Variants in ZBTB20 observed in about 807,000 individuals in gnomAD.
ZBTB20 encodes the protein zinc finger and BTB domain containing 20, also known as zinc finger and BTB domain-containing protein 20.
Under a neutral mutation model 56.9 loss-of-function variants are expected in ZBTB20, and 9 were observed. The observed-to-expected ratio is 0.16, with a 90% CI of 0.10 to 0.28. ZBTB20 has a LOEUF of 0.28. ZBTB20 is among the 10% of genes least tolerant of loss of function. The pLI is 1.00. For synonymous variants in ZBTB20, 417 were observed against 420.7 expected, an observed-to-expected ratio of 0.99 and a Z score of 0.11; for missense variants, 655 against 1,003.0, an observed-to-expected ratio of 0.65 and a Z score of 4.69.
chr3:115,064,473 C>T (rs1484478144), intron 2 of ZBTB20, among the ~76,000 whole-genome samples: 12 of 92,532 alleles, frequency 1.3e-4, no homozygotes, highest in African/African-American at 4.8e-4. Flanking sequence ...TTTTTTGAGA[C>T]GGAATTTCGC....
At chr3:114,846,107 A>G (rs2074688595) in intron 4 of ZBTB20, among the ~76,000 whole-genome samples, 1 of 152,230 alleles carries the variant, frequency 6.6e-6, no homozygotes, top group African/African-American at 2.4e-5. Context: ...TACACATTAT[A>G]GAGAGTATAA....
intron 2 of ZBTB20, among the ~76,000 whole-genome samples, chr3:114,995,514 A>C (rs535527282): frequency 1.3e-5 from 2 of 151,840 alleles, no homozygotes; most frequent in Non-Finnish European, 2.9e-5. Context: ...ACATTTAAAG[A>C]CAAAAAATCA....
At chr3:114,857,533 C>T (rs896976356) in intron 4 of ZBTB20, among the ~76,000 whole-genome samples, 12 of 152,148 alleles carry the variant, frequency 7.9e-5, no homozygotes, top group African/African-American at 2.7e-4. Flanking sequence ...TTCTTACTAG[C>T]GCCGTTATCC....
chr3:114,575,393 T>C (rs1417302990), intron 6 of ZBTB20, among the ~76,000 whole-genome samples: 1 of 152,146 alleles, frequency 6.6e-6, no homozygotes, highest in Non-Finnish European at 1.5e-5. Context: ...TATACTTTGC[T>C]TTTTCCCTTG....
At chr3:114,931,061 A>C (rs2076341982) in intron 3 of ZBTB20, 1 of 170,590 alleles carries the variant, frequency 5.9e-6, no homozygotes, top group Non-Finnish European at 1.4e-5. Context: ...GCCCTGCTGC[A>C]GGCGAAGGTT....
intron 5 of ZBTB20, among the ~76,000 whole-genome samples, chr3:114,748,360 C>T (rs1188630894): frequency 2.9e-5 from 4 of 138,278 alleles, no homozygotes; most frequent in Admixed American, 7.4e-5. Context: ...TTTTCTCTCT[C>T]TCTCTCTCTC....
intron 7 of ZBTB20, among the ~76,000 whole-genome samples, chr3:114,395,284 G>GA (rs1418620894): frequency 4.0e-5 from 6 of 151,554 alleles, no homozygotes; most frequent in East Asian, 1.9e-4. Flanking sequence ...TACAATGTTA[G>GA]AAAAAAAAGA....
intron 5 of ZBTB20, among the ~76,000 whole-genome samples, chr3:114,773,780 C>G (rs762170511): frequency 1.3e-5 from 2 of 152,166 alleles, no homozygotes; most frequent in Non-Finnish European, 2.9e-5. Flanking sequence ...CCAAAATTCA[C>G]AGATCACATG....
intron 5 of ZBTB20, among the ~76,000 whole-genome samples, chr3:114,748,569 C>A (rs915669976): frequency 7.2e-5 from 11 of 151,984 alleles, no homozygotes; most frequent in African/African-American, 2.7e-4. Flanking sequence ...TCAGTCCTTG[C>A]TCAAAGCAAA....
At chr3:114,501,830 T>C (rs1046416342) in intron 6 of ZBTB20, among the ~76,000 whole-genome samples, 1 of 150,352 alleles carries the variant, frequency 6.7e-6, no homozygotes, top group Non-Finnish European at 1.5e-5. Flanking sequence ...TGCTTCAGCC[T>C]CCTGAGTAGC....
intron 1 of ZBTB20, among the ~76,000 whole-genome samples, chr3:115,130,716 A>G (rs2084479379): frequency 6.6e-6 from 1 of 152,180 alleles, no homozygotes; most frequent in Non-Finnish European, 1.5e-5. Flanking sequence ...ATATGAACTC[A>G]TTACTACCAA....
At chr3:114,414,968 T>A (rs2088381873) in intron 7 of ZBTB20, among the ~76,000 whole-genome samples, 1 of 151,796 alleles carries the variant, frequency 6.6e-6, no homozygotes, top group South Asian at 2.1e-4. Flanking sequence ...CACCCAGGAT[T>A]TTAACCACAG....
intron 7 of ZBTB20, among the ~76,000 whole-genome samples, chr3:114,497,621 C>G (rs2043432731): frequency 6.6e-6 from 1 of 151,830 alleles, no homozygotes; most frequent in Admixed American, 6.5e-5. Flanking sequence ...GTGGGCACTC[C>G]TCCTTCATTC....
At chr3:115,058,542 A>C (rs1247363371) in intron 2 of ZBTB20, among the ~76,000 whole-genome samples, 1 of 152,186 alleles carries the variant, frequency 6.6e-6, no homozygotes, top group East Asian at 1.9e-4. Flanking sequence ...CAGCCTGGCC[A>C]ACATGGCAAA....
At position 114,859,916 on chromosome 3, in the gene ZBTB20, G is replaced by A. The variant is rs755728305; in HGVS notation, c.-417+40388C>T. On this transcript the variant is annotated intron_variant, in intron 4 of 11. Transcript: ENST00000675478. The stretch of plus-strand genomic sequence containing the variant: ...AAAACAATGTTTGAACAACAAAACA[G>A]AATAAATGACTAACCCAATCTTTCA... Among the ~76,000 whole-genome samples, 39 of 152,122 alleles carry A rather than the reference G, an allele frequency of 2.6e-4. 1 individual carries two copies. The highest frequency in any genetic ancestry group is 4.7e-4 in the Non-Finnish European group (32 of 68,008).
chr3:114,690,033 G>A (rs2062604442), intron 6 of ZBTB20, among the ~76,000 whole-genome samples: 1 of 152,100 alleles, frequency 6.6e-6, no homozygotes, highest in South Asian at 2.1e-4. Context: ...AAAAGAGTTT[G>A]TATTGTTTAT....
At chr3:114,447,342 T>G (rs2091331777) in intron 7 of ZBTB20, among the ~76,000 whole-genome samples, 1 of 152,182 alleles carries the variant, frequency 6.6e-6, no homozygotes, top group Non-Finnish European at 1.5e-5. Flanking sequence ...ATCTGCACAG[T>G]TCAGATAGCT....
chr3:114,734,979 A>C (rs1246454312), intron 5 of ZBTB20, among the ~76,000 whole-genome samples: 1 of 151,940 alleles, frequency 6.6e-6, no homozygotes, highest in African/African-American at 2.4e-5. Context: ...AGATATGGGG[A>C]GAAAGTGCCA....
At chr3:114,544,434 TTTCTTTC>T (rs1258133094) in intron 6 of ZBTB20, among the ~76,000 whole-genome samples, 1 of 93,172 alleles carries the variant, frequency 1.1e-5, no homozygotes, top group Non-Finnish European at 2.2e-5. Context: ...TCTTTCTTTC[TTTCTTTC>T]TTTCTTTCTT....
Sources: allele counts gnomAD v4.1 joint callset (sites outside exome capture counted in the v4.1 genomes callset), GRCh38; gene constraint gnomAD v4.1.1; transcripts MANE v1.5; gene names NCBI Gene and HGNC (gene_info 2026-07-23, HGNC 2026-07-21).